POU2F3: variants seen among roughly 807,000 people sequenced by gnomAD.
POU2F3 encodes POU class 2 homeobox 3.
In POU2F3, 23 loss-of-function variants were observed where a neutral mutation model predicts 59.2. That is an observed-to-expected ratio of 0.39 (90% CI 0.28 to 0.55). POU2F3 has a LOEUF of 0.55. POU2F3 is among the 20% of genes least tolerant of loss of function. The probability of loss-of-function intolerance (pLI) is 0.66; values close to 1 mark genes in which losing one functional copy is unlikely to be tolerated. For synonymous variants in POU2F3, 190 were observed against 214.6 expected, an observed-to-expected ratio of 0.89 and a Z score of 1.00; for missense variants, 473 against 544.5, an observed-to-expected ratio of 0.87 and a Z score of 1.31.
At chr11:120,307,357 G>A (rs1166253990) in intron 8 of POU2F3, 122 bp from the exon 9 acceptor site, 5 of 1,123,404 alleles carry the variant, frequency 4.5e-6, no homozygotes, top group Non-Finnish European at 5.2e-6. Flanking sequence ...TGGGGGAGGG[G>A]ATTGCTCCTG....
intron 8 of POU2F3, 21 bp from the exon 9 acceptor site, chr11:120,307,458 T>C (rs752583743): frequency 9.3e-6 from 15 of 1,613,216 alleles, no homozygotes; most frequent in Non-Finnish European, 1.3e-5. Flanking sequence ...GAGCTTCCTC[T>C]GGTCCTTCGT....
At chr11:120,288,127 C>CAA (rs1491240764) in intron 3 of POU2F3, among the ~76,000 whole-genome samples, 266 of 7,626 alleles carry the variant, frequency 0.035, 3 homozygotes, top group African/African-American at 0.083. Flanking sequence ...AACAAAAAAA[C>CAA]CAAAAAAAAA....
At chr11:120,306,768 G>C (rs551622312) in intron 8 of POU2F3, among the ~76,000 whole-genome samples, 105 of 152,282 alleles carry the variant, frequency 6.9e-4, no homozygotes, top group African/African-American at 2.4e-3. Flanking sequence ...ATACGGAAGG[G>C]CCTCCACACG....
intron 2 of POU2F3, among the ~76,000 whole-genome samples, chr11:120,260,754 T>C (rs1481687772): frequency 6.6e-6 from 1 of 152,074 alleles, no homozygotes; most frequent in Non-Finnish European, 1.5e-5. Flanking sequence ...CTTCGATGAG[T>C]CCTCAGACAT....
intron 1 of POU2F3, among the ~76,000 whole-genome samples, 172 bp downstream of exon 1, chr11:120,240,543 A>G (rs1237241922): frequency 1.6e-5 from 2 of 128,096 alleles, no homozygotes; most frequent in Admixed American, 1.6e-4. Flanking sequence ...TGGGGACTAA[A>G]GGGAGGGGAT....
At chr11:120,272,399 G>C (rs1208847072) in intron 3 of POU2F3, among the ~76,000 whole-genome samples, 1 of 152,224 alleles carries the variant, frequency 6.6e-6, no homozygotes, top group African/African-American at 2.4e-5. Flanking sequence ...AGAGGCCTGG[G>C]AGCCAGAGAT....
At chr11:120,257,741 C>G (rs562698011) in intron 2 of POU2F3, among the ~76,000 whole-genome samples, 2 of 152,278 alleles carry the variant, frequency 1.3e-5, no homozygotes, top group African/African-American at 4.8e-5. Context: ...TTCTGTAATT[C>G]CGGCCCTGCA....
chr11:120,238,861 C>T (rs1057236716), upstream of POU2F3, among the ~76,000 whole-genome samples: 7 of 139,370 alleles, frequency 5.0e-5, no homozygotes, highest in East Asian at 2.1e-4. Context: ...AAAAAGAACA[C>T]GGAACTTAAA....
At chr11:120,274,815 A>C (rs980025926) in intron 3 of POU2F3, among the ~76,000 whole-genome samples, 1 of 152,196 alleles carries the variant, frequency 6.6e-6, no homozygotes, top group African/African-American at 2.4e-5. Context: ...AGGGCACTTA[A>C]GGGACAGGCT....
chr11:120,274,108 AAAGGAAGGAAGG>A lies in POU2F3; in HGVS notation c.132+4903_132+4914del, dbSNP rs58202053. Among the ~76,000 whole-genome samples the A allele has an allele frequency of 6.5e-3, 750 of 116,212 alleles. 7 individuals carry two copies. The highest frequency in any genetic ancestry group is 0.022 in the African/African-American group (640 of 29,008). 76.2% of individuals were successfully genotyped at this position (116,212 alleles called of 152,430 possible). On this transcript the variant is annotated intron_variant, in intron 3 of 12. Coordinates refer to ENST00000543440, the MANE Select transcript of POU2F3 (RefSeq NM_014352.4). The stretch of plus-strand genomic sequence containing the variant: ...GAAAGAAAGGAAGGAAGGAAGGAAG[AAAGGAAGGAAGG>A]AAGGAAGGAAGGAAGGAAGGAAGGA...
Position 120,285,541 on chromosome 11 carries a change from A to G in POU2F3, c.133-12724A>G, listed in dbSNP as rs889657310. Among the ~76,000 whole-genome samples, 3 of 152,206 alleles carry G rather than the reference A, an allele frequency of 2.0e-5. No individual in the cohort carries two copies. The highest frequency in any genetic ancestry group is 4.8e-5 in the African/African-American group (2 of 41,456). The stretch of plus-strand genomic sequence containing the variant: ...GCTGAATGCCTTCCTTAAACCAGTT[A>G]TATACTTAATACATGAATACTTTCC... On this transcript the variant is annotated intron_variant, in intron 3 of 12. Coordinates refer to ENST00000543440, the MANE Select transcript of POU2F3 (RefSeq NM_014352.4). The surrounding 1 kb of genome is among the most constrained non-coding windows in gnomAD (Gnocchi z 4.3).
intron 3 of POU2F3, among the ~76,000 whole-genome samples, chr11:120,289,448 C>T (rs1316738281): frequency 1.3e-5 from 2 of 152,166 alleles, no homozygotes; most frequent in Non-Finnish European, 2.9e-5. Flanking sequence ...TGAACTAAAA[C>T]TAAAATCTCA....
At chr11:120,252,794 C>T (rs990814696) in intron 2 of POU2F3, among the ~76,000 whole-genome samples, 3 of 152,156 alleles carry the variant, frequency 2.0e-5, no homozygotes, top group Admixed American at 2.0e-4. Flanking sequence ...CTAGGGTAAG[C>T]AGAGGTGGCA....
At chr11:120,260,908 T>C (rs919326455) in intron 2 of POU2F3, among the ~76,000 whole-genome samples, 3 of 147,674 alleles carry the variant, frequency 2.0e-5, no homozygotes, top group Admixed American at 1.3e-4. Context: ...TCTTTACAAT[T>C]TTTTTTTAAA....
intron 3 of POU2F3, among the ~76,000 whole-genome samples, chr11:120,277,511 C>T (rs190041469): frequency 2.0e-4 from 30 of 152,026 alleles, no homozygotes; most frequent in African/African-American, 7.0e-4. Context: ...TGCGGTGCCT[C>T]ACGCCTGTAA....
chr11:120,298,858 C>T (rs1941264532), intron 4 of POU2F3, among the ~76,000 whole-genome samples: 1 of 152,184 alleles, frequency 6.6e-6, no homozygotes, highest in Non-Finnish European at 1.5e-5. Flanking sequence ...GAGACCTCTT[C>T]TCAGCAGGGA....
intron 3 of POU2F3, among the ~76,000 whole-genome samples, chr11:120,288,127 C>CAAAAAAAAAAAAA (rs1491240764): frequency 2.0e-3 from 15 of 7,638 alleles, no homozygotes; most frequent in African/African-American, 5.0e-3. Context: ...AACAAAAAAA[C>CAAAAAAAAAAAAA]CAAAAAAAAA....
chr11:120,236,745 A>G (rs1938511335), upstream of POU2F3: 4 of 1,437,444 alleles, frequency 2.8e-6, no homozygotes, highest in Admixed American at 2.0e-5. Flanking sequence ...TAGCTCATCT[A>G]ACTGAAATGA....
At chr11:120,267,502 G>A (rs1107534) in intron 2 of POU2F3, among the ~76,000 whole-genome samples, 3,387 of 150,748 alleles carry the variant, frequency 0.022, 114 homozygotes, top group African/African-American at 0.078. Context: ...CCTCTTTCTC[G>A]GGACCCCACC....
Sources: allele counts gnomAD v4.1 joint callset (sites outside exome capture counted in the v4.1 genomes callset), GRCh38; gene constraint gnomAD v4.1.1; non-coding constraint Gnocchi (gnomAD v3.1); transcripts MANE v1.5; gene names NCBI Gene and HGNC (gene_info 2026-07-23, HGNC 2026-07-21).